The following ZNF618 variants were observed in gnomAD, a reference collection of about 807,000 sequenced individuals.
ZNF618 encodes the protein neural precursor cell expressed, developmentally down-regulated 10.
In ZNF618, 34 loss-of-function variants were observed where a neutral mutation model predicts 103.0. The observed-to-expected ratio is 0.33, with a 90% confidence interval of 0.25 to 0.44. ZNF618 has a LOEUF of 0.44. ZNF618 is among the 20% of genes least tolerant of loss of function. The pLI is 1.00. For synonymous variants in ZNF618, 551 were observed against 542.2 expected (o/e 1.02, Z -0.23); for missense variants, 1,059 against 1,295.4 (o/e 0.82, Z 2.80).
chr9:114,021,730 T>G (rs1250990754), intron 10 of ZNF618, among the ~76,000 whole-genome samples: 1 of 152,132 alleles, frequency 6.6e-6, no homozygotes, highest in Non-Finnish European at 1.5e-5. Context: ...GTAATTTGCT[T>G]ACCACTTCCC....
Position 113,929,973 on chromosome 9 carries a change from C to A in ZNF618, c.34-39144C>A, listed in dbSNP as rs926848748. 5.3e-5 allele frequency among the ~76,000 whole-genome samples: 8 copies of A among 152,142 alleles called. No individual in the cohort carries two copies. The South Asian group carries it at 1.2e-3, about 24-fold the overall frequency. On this transcript the variant is annotated intron_variant, in intron 1 of 14. Transcript: ENST00000374126. ...GAGCTTGTTTATCTTGGCTTTTTCC[C>A]CCATGATGAATGTGTTTTTAAAAGC...
chr9:114,000,752 G>C (rs541335098), intron 4 of ZNF618, among the ~76,000 whole-genome samples: 1 of 152,168 alleles, frequency 6.6e-6, no homozygotes, highest in Non-Finnish European at 1.5e-5. Context: ...GGAGGGGCTG[G>C]TCTTGTGCTG....
In ZNF618 at chr9:114,049,287, T is replaced by G. The variant is rs1845932252; in HGVS notation, c.1985T>G (p.Ile662Ser). ...CAGGCCCGCAGCATGCACGAGGTCA[T>G]CGAGCTGCTCAACGTGTGCGAGGAC... ...TLQARSMHEV[I>S]ELLNVCEDLA... Residue 662 changes from isoleucine to serine, a missense_variant, in exon 15 of 15, where the codon ATC becomes AGC. Physicochemically the swap from Ile to Ser is moderately radical, Grantham distance 142. This residue lies in a region of ZNF618 where 272 missense variants were observed against 380.1 expected (regional missense o/e 0.72). Transcript: ENST00000374126. The G allele has an allele frequency of 6.2e-7, 1 of 1,612,136 alleles. No individual in the cohort carries two copies. Among genetic ancestry groups the G allele is most frequent in the African/African-American group, 1.3e-5 (1 of 74,928 alleles).
rs765548880 is a variant in ZNF618, at chr9:114,049,289, G to A, written c.1987G>A (p.Glu663Lys). 5.0e-6 allele frequency: 8 copies of A among 1,612,068 alleles called. No homozygotes were observed. The highest frequency in any genetic ancestry group is 3.3e-4 in the Middle Eastern group (2 of 6,082). Residue 663 changes from glutamate (E) to lysine (K), a missense_variant, in exon 15 of 15, where the codon GAG becomes AAG. Physicochemically the swap from Glu to Lys is moderately conservative, Grantham distance 56 (BLOSUM62 1). This residue lies in a region of ZNF618 where 272 missense variants were observed against 380.1 expected (regional missense o/e 0.72). Coordinates refer to ENST00000374126, the MANE Select transcript of ZNF618 (RefSeq NM_001318042.2). Reference sequence around the variant, plus strand: ...GGCCCGCAGCATGCACGAGGTCATCGAGCTGCTCAACGTGTGCGAGGACCT... The same window carrying A: ...GGCCCGCAGCATGCACGAGGTCATCAAGCTGCTCAACGTGTGCGAGGACCT... ...LQARSMHEVI[E>K]LLNVCEDLAG...
chr9:113,927,951 C>T (rs1217238120), intron 1 of ZNF618, among the ~76,000 whole-genome samples: 1 of 152,160 alleles, frequency 6.6e-6, no homozygotes, highest in African/African-American at 2.4e-5. Context: ...CTTTTAGGGG[C>T]AGTGGTTTGC....
At chr9:114,035,955 G>C (rs1240618677) in intron 12 of ZNF618, among the ~76,000 whole-genome samples, 2 of 152,232 alleles carry the variant, frequency 1.3e-5, no homozygotes, top group Non-Finnish European at 2.9e-5. Context: ...CTGAGACTCA[G>C]TCTCTGCCCC....
At chr9:114,046,471 T>C (rs1845664239) in intron 13 of ZNF618, among the ~76,000 whole-genome samples, 1 of 152,178 alleles carries the variant, frequency 6.6e-6, no homozygotes, top group African/African-American at 2.4e-5. Context: ...GGATATACCA[T>C]CTAGGTTTGT....
intron 10 of ZNF618, among the ~76,000 whole-genome samples, chr9:114,021,746 C>T (rs963635786): frequency 2.0e-5 from 3 of 152,040 alleles, no homozygotes; most frequent in Non-Finnish European, 2.9e-5. Context: ...TTCCCCATCC[C>T]GAGGCAAACA....
At chr9:114,031,958 T>C (rs1266701282) in intron 11 of ZNF618, among the ~76,000 whole-genome samples, 1 of 152,204 alleles carries the variant, frequency 6.6e-6, no homozygotes, top group Non-Finnish European at 1.5e-5. Context: ...TTGGACCCTA[T>C]CTCTGCATTG....
At chr9:114,025,772 A>G (rs968067749) in intron 10 of ZNF618, among the ~76,000 whole-genome samples, 11 of 151,966 alleles carry the variant, frequency 7.2e-5, no homozygotes, top group African/African-American at 2.7e-4. Context: ...AGATAGCTTC[A>G]TGGTACCATT....
At chr9:113,900,281 C>T (rs796622519) in intron 1 of ZNF618, among the ~76,000 whole-genome samples, 15 of 152,174 alleles carry the variant, frequency 9.9e-5, no homozygotes, top group East Asian at 5.8e-4. Flanking sequence ...AGGCTGCTCT[C>T]GAACTCCTGA....
intron 10 of ZNF618, among the ~76,000 whole-genome samples, chr9:114,021,997 G>A (rs1843110829): frequency 6.6e-6 from 1 of 152,082 alleles, no homozygotes; most frequent in African/African-American, 2.4e-5. Context: ...ATTTATGGGT[G>A]GATATTTAGA....
chr9:114,028,390 G>A, intron 10 of ZNF618: 1 of 259,382 alleles, frequency 3.9e-6, no homozygotes, highest in South Asian at 9.1e-5. Context: ...AGGAAAAGGA[G>A]CTTAGAAACC....
intron 11 of ZNF618, among the ~76,000 whole-genome samples, chr9:114,030,410 G>A (rs191082295): frequency 1.2e-4 from 18 of 152,280 alleles, no homozygotes; most frequent in East Asian, 1.9e-4. Flanking sequence ...TCATGGAATC[G>A]TGGCTTTCAA....
intron 1 of ZNF618, among the ~76,000 whole-genome samples, chr9:113,913,443 A>G (rs895201260): frequency 2.0e-5 from 3 of 152,248 alleles, no homozygotes; most frequent in African/African-American, 7.2e-5. Flanking sequence ...AGAAAACACT[A>G]GCAATGTTCT....
chr9:113,967,664 T>C (rs1198071684), intron 1 of ZNF618, among the ~76,000 whole-genome samples: 1 of 152,150 alleles, frequency 6.6e-6, no homozygotes, highest in Non-Finnish European at 1.5e-5. Flanking sequence ...GGGGATATTA[T>C]GGGGTGGAGG....
chr9:113,973,875 A>G (rs1355648005), intron 2 of ZNF618, among the ~76,000 whole-genome samples: 1 of 152,228 alleles, frequency 6.6e-6, no homozygotes, highest in Non-Finnish European at 1.5e-5. Context: ...CTGGGGTAGA[A>G]GAGGTTAAAG....
At chr9:113,925,246 G>A (rs544768616) in intron 1 of ZNF618, among the ~76,000 whole-genome samples, 3 of 152,048 alleles carry the variant, frequency 2.0e-5, no homozygotes, top group African/African-American at 4.8e-5. Flanking sequence ...TTATCATTAT[G>A]TAATGCCCCT....
intron 1 of ZNF618, among the ~76,000 whole-genome samples, chr9:113,889,350 T>TCTCTCTCTCTCTCTCCCTCC (rs1191014933): frequency 6.7e-6 from 1 of 148,360 alleles, no homozygotes; most frequent in East Asian, 2.4e-4. Context: ...TCTCTCTTTC[T>TCTCTCTCTCTCTCTCCCTCC]CTCCCTCCCT....
Sources: allele counts gnomAD v4.1 joint callset (sites outside exome capture counted in the v4.1 genomes callset), GRCh38; gene constraint gnomAD v4.1.1; regional missense constraint gnomAD v4.1.1; transcripts MANE v1.5; gene names NCBI Gene and HGNC (gene_info 2026-07-23, HGNC 2026-07-21).